Variants in MMRN1 observed in about 807,000 individuals in gnomAD.
MMRN1 encodes the protein multimerin 1, also known as multimerin-1.
A neutral mutation model predicts 100.7 loss-of-function variants in MMRN1; 94 were observed. That is an observed-to-expected ratio of 0.93 (90% CI 0.79 to 1.11). MMRN1 has a LOEUF of 1.11. MMRN1 is among the 50% of genes least tolerant of loss of function. The pLI, the probability that MMRN1 is intolerant of heterozygous loss-of-function variation, is 0.00. For synonymous variants in MMRN1, 575 were observed against 505.0 expected (o/e 1.14, Z -1.86); for missense variants, 1,606 against 1,439.1 (o/e 1.12, Z -1.88).
At chr4:89,909,425 G>A (rs1721675082) in intron 2 of MMRN1, 30 bp downstream of exon 2, 1 of 1,605,210 alleles carries the variant, frequency 6.2e-7, no homozygotes, top group African/African-American at 1.3e-5. Flanking sequence ...AATAGCCACT[G>A]TTTTTGCACC....
chr4:89,893,848 A>C (rs1251433532), upstream of MMRN1, among the ~76,000 whole-genome samples: 5 of 152,146 alleles, frequency 3.3e-5, no homozygotes, highest in East Asian at 7.7e-4. Flanking sequence ...ATATCTATTT[A>C]AACAGACTGA....
intron 6 of MMRN1, among the ~76,000 whole-genome samples, chr4:89,937,442 T>G (rs1423709350): frequency 1.3e-5 from 2 of 152,058 alleles, no homozygotes; most frequent in Non-Finnish European, 2.9e-5. Flanking sequence ...GCAAGAGCCA[T>G]AGAGGAAGCT....
At chr4:89,907,207 G>C (rs1162387420) in intron 1 of MMRN1, among the ~76,000 whole-genome samples, 1 of 151,230 alleles carries the variant, frequency 6.6e-6, no homozygotes, top group Non-Finnish European at 1.5e-5. Context: ...GCTTTTTCCA[G>C]TTCTTTGTTT....
chr4:89,892,779 C>T (rs1310848501), upstream of MMRN1, among the ~76,000 whole-genome samples: 1 of 151,902 alleles, frequency 6.6e-6, no homozygotes, highest in Non-Finnish European at 1.5e-5. Flanking sequence ...CATTGGATAA[C>T]TATTTGTTAT....
At chr4:89,922,984 C>T (rs1321955634) in intron 3 of MMRN1, among the ~76,000 whole-genome samples, 184 bp from the exon 4 acceptor site, 1 of 152,098 alleles carries the variant, frequency 6.6e-6, no homozygotes, top group East Asian at 1.9e-4. Flanking sequence ...CTGCATTTCC[C>T]ACTCCAATGT....
chr4:89,909,008 C>T (rs960264352), intron 1 of MMRN1, among the ~76,000 whole-genome samples: 1 of 151,396 alleles, frequency 6.6e-6, no homozygotes, highest in Non-Finnish European at 1.5e-5. Flanking sequence ...TATCTTATAG[C>T]TAAACTCTGC....
chr4:89,891,768 G>A (rs1012851606), upstream of MMRN1, among the ~76,000 whole-genome samples: 3 of 152,096 alleles, frequency 2.0e-5, no homozygotes, highest in South Asian at 4.2e-4. Context: ...ATGGAGGAAG[G>A]TAATAATGAA....
intron 1 of MMRN1, among the ~76,000 whole-genome samples, chr4:89,907,909 C>G (rs1361050027): frequency 6.8e-6 from 1 of 147,258 alleles, no homozygotes; most frequent in Non-Finnish European, 1.5e-5. Flanking sequence ...TTAGTTTTGT[C>G]TGCTTTTCAT....
intron 5 of MMRN1, among the ~76,000 whole-genome samples, chr4:89,931,477 C>T (rs998563056): frequency 3.9e-5 from 6 of 151,940 alleles, no homozygotes; most frequent in African/African-American, 1.5e-4. Flanking sequence ...GTCTAAAATG[C>T]TTTGCATTGT....
chr4:89,945,182 T>G (rs1275561963), intron 6 of MMRN1, among the ~76,000 whole-genome samples: 1 of 152,214 alleles, frequency 6.6e-6, no homozygotes, highest in Non-Finnish European at 1.5e-5. Flanking sequence ...TTCTTGCATG[T>G]ATTCATTTTT....
chr4:89,921,771 C>T (rs1722096831), intron 3 of MMRN1, among the ~76,000 whole-genome samples: 1 of 151,962 alleles, frequency 6.6e-6, no homozygotes, highest in Non-Finnish European at 1.5e-5. Flanking sequence ...AGCTCAATGC[C>T]CTGAAGAAAA....
chr4:89,898,179 T>TTA (rs1162877463), intron 1 of MMRN1, among the ~76,000 whole-genome samples: 2 of 152,110 alleles, frequency 1.3e-5, no homozygotes, highest in Non-Finnish European at 2.9e-5. Context: ...CCTTCGTACT[T>TTA]TCATTTGATT....
upstream of MMRN1, among the ~76,000 whole-genome samples, chr4:89,893,446 G>A (rs992266777): frequency 3.3e-5 from 5 of 151,974 alleles, no homozygotes; most frequent in African/African-American, 1.2e-4. Flanking sequence ...ACTGTGTCCA[G>A]GAATAAGGAC....
rs970533289 is a variant in MMRN1, at chr4:89,953,071, C to A, written c.3340C>A (p.Pro1114Thr). 2 of 1,613,640 alleles carry A rather than the reference C, an allele frequency of 1.2e-6. No homozygotes were observed. Among genetic ancestry groups the A allele is most frequent in the Admixed American group, 1.7e-5 (1 of 59,972 alleles). ...ATCTCATACGTATGGAATGACTATACCTGGTCCTATCCTGTTTAATAACTT... is the reference window on the plus strand; with the variant it reads ...ATCTCATACGTATGGAATGACTATAACTGGTCCTATCCTGTTTAATAACTT... The part of the protein sequence containing the change: ...FASHTYGMTI[P>T]GPILFNNLDV... Residue 1114 changes from proline (P) to threonine (T), a missense_variant, in exon 8 of 8, where the codon CCT becomes ACT. Transcript: ENST00000264790.
chr4:89,944,835 AC>A (rs1722937974), intron 6 of MMRN1, among the ~76,000 whole-genome samples: 1 of 152,186 alleles, frequency 6.6e-6, no homozygotes, highest in Non-Finnish European at 1.5e-5. Flanking sequence ...AAATTAAGGG[AC>A]TTGAAACAAC....
At chr4:89,937,707 A>T (rs1288699317) in intron 6 of MMRN1, among the ~76,000 whole-genome samples, 3 of 152,018 alleles carry the variant, frequency 2.0e-5, no homozygotes, top group Admixed American at 6.6e-5. Context: ...CTTCACTGTA[A>T]AAAAATCCAC....
chr4:89,896,546 C>T (rs952005438), intron 1 of MMRN1, among the ~76,000 whole-genome samples: 5 of 151,740 alleles, frequency 3.3e-5, no homozygotes, highest in Non-Finnish European at 4.4e-5. Flanking sequence ...TTTAGTATTG[C>T]AAAACTAAAC....
Position 89,921,481 on chromosome 4 carries a change from T to TA in MMRN1, c.851-1682dup, listed in dbSNP as rs558961436. ...TACACCATTTAAGGAGGAATCGTGA[T>TA]AAAAATTTATGCAATGATTAAATGG... On this transcript the variant is annotated intron_variant, in intron 3 of 7. Coordinates refer to ENST00000264790, the MANE Select transcript of MMRN1 (RefSeq NM_007351.3). 2.6e-4 allele frequency among the ~76,000 whole-genome samples: 39 copies of TA among 152,290 alleles called. No individual in the cohort carries two copies. The East Asian group carries it at 7.0e-3, about 27-fold the overall frequency.
chr4:89,903,251 T>C lies in MMRN1; in HGVS notation c.624-6025T>C, dbSNP rs146418391. 2.0e-5 allele frequency among the ~76,000 whole-genome samples: 3 copies of C among 151,986 alleles called. No homozygotes were observed. In the East Asian group the frequency reaches 5.8e-4, roughly 29 times the overall value. On this transcript the variant is annotated intron_variant, in intron 1 of 7. Transcript: ENST00000264790. ...ATAATTTGATTAAAAACTTCTCTTT[T>C]TAGCTTGATTGGAAAAAATAAAGAT...
Sources: gnomAD v4.1 joint callset for allele counts (sites outside exome capture counted in the v4.1 genomes callset) on GRCh38, gnomAD v4.1.1 for gene constraint, MANE v1.5 for transcripts, NCBI Gene and HGNC (gene_info 2026-07-23, HGNC 2026-07-21) for gene names.